AHCYL2: variants seen among roughly 807,000 people sequenced by gnomAD.
AHCYL2 encodes the protein S-adenosylhomocysteine hydrolase-like protein 2.
AHCYL2 carries 28 observed loss-of-function variants against 81.4 expected under a neutral mutation model. The ratio of observed to expected loss-of-function variants is 0.34; its 90% CI spans 0.25 to 0.47. The LOEUF is 0.47. AHCYL2 is among the 20% of genes least tolerant of loss of function. AHCYL2 has a pLI of 1.00. For missense variants in AHCYL2, 551 were observed against 785.1 expected, an observed-to-expected ratio of 0.70 and a Z score of 3.56; for synonymous variants, 272 against 290.2, an observed-to-expected ratio of 0.94 and a Z score of 0.64.
intron 5 of AHCYL2, among the ~76,000 whole-genome samples, chr7:129,399,775 G>A (rs1393348524): frequency 7.0e-6 from 1 of 142,404 alleles, no homozygotes; most frequent in African/African-American, 2.7e-5. Flanking sequence ...CGCCCAGGCT[G>A]GAGTGCAGTG....
chr7:129,312,487 C>T (rs993024958), intron 1 of AHCYL2, among the ~76,000 whole-genome samples: 10 of 152,076 alleles, frequency 6.6e-5, no homozygotes, highest in Admixed American at 2.0e-4. Flanking sequence ...TAGCTCACTG[C>T]AGCCTCGAAT....
chr7:129,339,412 T>A (rs1009729609), intron 1 of AHCYL2, among the ~76,000 whole-genome samples: 3 of 152,222 alleles, frequency 2.0e-5, no homozygotes, highest in Non-Finnish European at 4.4e-5. Flanking sequence ...TACAAAGATA[T>A]AAGTTACTGC....
rs1474866588 is a variant in AHCYL2, at chr7:129,310,815, A to G, written c.364-68823A>G. On this transcript the variant is annotated intron_variant, in intron 1 of 16. Coordinates refer to ENST00000325006, the MANE Select transcript of AHCYL2 (RefSeq NM_015328.4). ...GAAAATGTTTTTTAAAGCAGTATAT[A>G]ACAGACTTGATGGGCCAGGCGTGGT... Among the ~76,000 whole-genome samples, 3 of 152,170 alleles carry G rather than the reference A, an allele frequency of 2.0e-5. No homozygotes were observed. In the East Asian group the frequency reaches 5.8e-4, roughly 29 times the overall value.
At chr7:129,338,084 A>G (rs1265664287) in intron 1 of AHCYL2, among the ~76,000 whole-genome samples, 1 of 152,054 alleles carries the variant, frequency 6.6e-6, no homozygotes, top group Non-Finnish European at 1.5e-5. Flanking sequence ...GAATATCTTC[A>G]TTATTTCATA....
intron 1 of AHCYL2, among the ~76,000 whole-genome samples, chr7:129,352,616 C>T (rs1327787571): frequency 1.3e-5 from 2 of 152,264 alleles, no homozygotes; most frequent in South Asian, 2.1e-4. Context: ...TTTTCCTCAC[C>T]TCCTACGTCC....
intron 4 of AHCYL2, among the ~76,000 whole-genome samples, chr7:129,392,939 G>A (rs1467901972): frequency 6.6e-6 from 1 of 152,152 alleles, no homozygotes; most frequent in Non-Finnish European, 1.5e-5. Context: ...TTTTTCTGAT[G>A]CTTCCTCATT....
chr7:129,257,687 A>ATAAG (rs1389155739), intron 1 of AHCYL2, among the ~76,000 whole-genome samples: 3 of 152,152 alleles, frequency 2.0e-5, no homozygotes, highest in African/African-American at 7.2e-5. Flanking sequence ...CATTCATTTC[A>ATAAG]GTGTATTTGT....
intron 1 of AHCYL2, among the ~76,000 whole-genome samples, chr7:129,253,335 G>A (rs1405378110): frequency 1.3e-5 from 2 of 152,216 alleles, no homozygotes; most frequent in African/African-American, 2.4e-5. Context: ...GACGTAGCAT[G>A]TAGCAGAGTA....
intron 5 of AHCYL2, among the ~76,000 whole-genome samples, chr7:129,399,987 A>G (rs1485921333): frequency 1.3e-5 from 2 of 152,058 alleles, no homozygotes; most frequent in Non-Finnish European, 2.9e-5. Flanking sequence ...CAGCCTCCCA[A>G]GGTGCTGGGA....
At chr7:129,242,290 A>G (rs932145309) in intron 1 of AHCYL2, among the ~76,000 whole-genome samples, 2 of 151,388 alleles carry the variant, frequency 1.3e-5, no homozygotes, top group African/African-American at 2.4e-5. Flanking sequence ...TTGGCTTCCT[A>G]ACGTGTTGGG....
intron 1 of AHCYL2, 78 bp downstream of exon 1, chr7:129,225,517 A>G: frequency 1.4e-6 from 2 of 1,409,912 alleles, no homozygotes; most frequent in Non-Finnish European, 1.8e-6. Context: ...CGGCGGCACC[A>G]CCCTCCACGC....
At chr7:129,391,392 T>C (rs1795463302) in intron 4 of AHCYL2, among the ~76,000 whole-genome samples, 1 of 152,256 alleles carries the variant, frequency 6.6e-6, no homozygotes, top group Admixed American at 6.5e-5. Context: ...GATAGGTTTT[T>C]CACCCATGGG....
chr7:129,242,589 C>A (rs1038515871), intron 1 of AHCYL2, among the ~76,000 whole-genome samples: 6 of 151,928 alleles, frequency 3.9e-5, no homozygotes, highest in African/African-American at 1.2e-4. Flanking sequence ...TGGTGGTGTG[C>A]GCCTGTAATC....
chr7:129,339,008 A>T (rs1213523239), intron 1 of AHCYL2, among the ~76,000 whole-genome samples: 2 of 152,186 alleles, frequency 1.3e-5, no homozygotes, highest in Admixed American at 6.5e-5. Context: ...AGCTATTAAG[A>T]CTTTCAACTT....
At chr7:129,377,582 G>A (rs767373346) in intron 1 of AHCYL2, 1 of 456,662 alleles carries the variant, frequency 2.2e-6, no homozygotes. Flanking sequence ...CTGGTGTACT[G>A]TATGTTCTGC....
At chr7:129,364,860 T>C (rs114114832) in intron 1 of AHCYL2, among the ~76,000 whole-genome samples, 2,599 of 152,306 alleles carry the variant, frequency 0.017, 73 homozygotes, top group African/African-American at 0.059. Flanking sequence ...TACTAAGGAC[T>C]TCTCGTCAAA....
intron 1 of AHCYL2, among the ~76,000 whole-genome samples, chr7:129,281,168 AT>A (rs1796430854): frequency 1.3e-5 from 2 of 152,098 alleles, no homozygotes; most frequent in African/African-American, 4.8e-5. Flanking sequence ...CGGCCCATTG[AT>A]TCATTTTTAA....
In AHCYL2 at chr7:129,409,517, G is replaced by A. The variant is rs1363947128; in HGVS notation, c.1337G>A (p.Arg446Gln). 18 of 1,613,700 alleles carry A rather than the reference G, an allele frequency of 1.1e-5. No individual in the cohort carries two copies. The highest frequency in any genetic ancestry group is 1.5e-5 in the Non-Finnish European group (18 of 1,179,804). Residue 446 changes from arginine to glutamine, a missense_variant, in exon 11 of 17, where the codon CGA becomes CAA. Coordinates refer to ENST00000325006, the MANE Select transcript of AHCYL2 (RefSeq NM_015328.4). The part of the protein sequence containing the change: ...FRLVKLNEVI[R>Q]QVDIVITCTG... Reference sequence around the variant, plus strand: ...CTGGTGAAATTAAATGAGGTCATCCGACAAGTGGACATTGTTATTACCTGT... The same window carrying A: ...CTGGTGAAATTAAATGAGGTCATCCAACAAGTGGACATTGTTATTACCTGT...
chr7:129,299,369 G>GTTTTTTTTTATTTTTTTT (rs1797173795), intron 1 of AHCYL2, among the ~76,000 whole-genome samples: 1 of 46,278 alleles, frequency 2.2e-5, no homozygotes. Context: ...AGTCCAACTT[G>GTTTTTTTTTATTTTTTTT]TTTTTTTTTT....
Sources: allele counts gnomAD v4.1 joint callset (sites outside exome capture counted in the v4.1 genomes callset), GRCh38; gene constraint gnomAD v4.1.1; transcripts MANE v1.5; gene names NCBI Gene and HGNC (gene_info 2026-07-23, HGNC 2026-07-21).